Variants in SAE1 observed in about 807,000 individuals in gnomAD.
SAE1 encodes the protein SUMO-activating enzyme subunit 1.
SAE1 carries 11 observed loss-of-function variants against 40.6 expected under a neutral mutation model. The observed-to-expected ratio is 0.27, with a 90% CI of 0.17 to 0.45. SAE1 has a LOEUF of 0.45. Among genes scored for constraint, SAE1 ranks in the 20% least tolerant of loss-of-function variants. The pLI is 1.00. For missense variants in SAE1, 373 were observed against 427.3 expected (o/e 0.87, Z 1.12); for synonymous variants, 155 against 154.3 (o/e 1.00, Z -0.03).
chr19:47,198,338 T>C (rs2058629713), intron 7 of SAE1, among the ~76,000 whole-genome samples: 1 of 152,034 alleles, frequency 6.6e-6, no homozygotes, highest in Non-Finnish European at 1.5e-5. Context: ...TCTTGAACTC[T>C]TGACCTCAGG....
chr19:47,134,187 G>A (rs2058164944), intron 1 of SAE1, among the ~76,000 whole-genome samples: 1 of 152,052 alleles, frequency 6.6e-6, no homozygotes, highest in African/African-American at 2.4e-5. Flanking sequence ...ATACAACTAA[G>A]TAGAAATATG....
At chr19:47,163,764 A>G (rs192056192) in intron 5 of SAE1, among the ~76,000 whole-genome samples, 2 of 152,238 alleles carry the variant, frequency 1.3e-5, no homozygotes, top group African/African-American at 4.8e-5. Context: ...GGGAGGATGC[A>G]CGTAGAGTAT....
chr19:47,164,449 G>A (rs1360176266), intron 5 of SAE1, among the ~76,000 whole-genome samples: 1 of 152,000 alleles, frequency 6.6e-6, no homozygotes, highest in Non-Finnish European at 1.5e-5. Context: ...TTACAGGCAT[G>A]AGCCACCACG....
intron 5 of SAE1, among the ~76,000 whole-genome samples, chr19:47,165,673 G>A (rs2058387994): frequency 6.6e-6 from 1 of 152,220 alleles, no homozygotes; most frequent in South Asian, 2.1e-4. Context: ...TGCCAGTGGA[G>A]TGGGTAAGAC....
At chr19:47,147,305 C>A in intron 2 of SAE1, among the ~76,000 whole-genome samples, 1 of 141,990 alleles carries the variant, frequency 7.0e-6, no homozygotes, top group East Asian at 2.2e-4. Context: ...TTCCTGGGCT[C>A]AGGGTATTCT....
At chr19:47,184,512 G>A (rs1047660245) in intron 6 of SAE1, among the ~76,000 whole-genome samples, 2 of 152,022 alleles carry the variant, frequency 1.3e-5, no homozygotes, top group South Asian at 4.1e-4. Flanking sequence ...CTGGGTTCAA[G>A]CGATTCTCCT....
intron 5 of SAE1, among the ~76,000 whole-genome samples, chr19:47,159,420 A>T (rs1019144743): frequency 6.6e-6 from 1 of 151,998 alleles, no homozygotes; most frequent in African/African-American, 2.4e-5. Flanking sequence ...CCATAGGGGG[A>T]AGGTAGTCTT....
rs772537235 is a variant in SAE1 at position 47,209,183 on chromosome 19, CACA to C, written c.979_981del (p.Asn327del). On this transcript the variant is annotated inframe_deletion, in exon 9 of 9. Coordinates refer to ENST00000270225, the MANE Select transcript of SAE1 (RefSeq NM_005500.3). ...GGCCCTGTCTCAGCGGGACCCTCCT[CACA>C]ACAACTTCTTCTTCTTCGATGGCAT... The C allele has an allele frequency of 1.9e-6, 3 of 1,613,946 alleles. No individual in the cohort carries two copies. The highest frequency in any genetic ancestry group is 2.7e-5 in the African/African-American group (2 of 74,880).
chr19:47,200,262 C>G (rs1351934325), intron 7 of SAE1, among the ~76,000 whole-genome samples: 1 of 147,366 alleles, frequency 6.8e-6, no homozygotes, highest in Non-Finnish European at 1.5e-5. Context: ...AAGATAGGGT[C>G]TCTCTCTGTT....
At chr19:47,164,506 T>C (rs1421308110) in intron 5 of SAE1, among the ~76,000 whole-genome samples, 1 of 152,044 alleles carries the variant, frequency 6.6e-6, no homozygotes, top group African/African-American at 2.4e-5. Flanking sequence ...ATTTTTCCTC[T>C]TCTTGCCTAG....
chr19:47,153,141 C>A, intron 4 of SAE1, 101 bp downstream of exon 4: 1 of 1,071,896 alleles, frequency 9.3e-7, no homozygotes, highest in Non-Finnish European at 1.3e-6. Context: ...AGGATCTATG[C>A]TATGTTGTTC....
At chr19:47,137,703 T>TTGTGTGTG (rs35991953) in intron 1 of SAE1, among the ~76,000 whole-genome samples, 1 of 135,064 alleles carries the variant, frequency 7.4e-6, no homozygotes, top group African/African-American at 2.7e-5. Flanking sequence ...ACTCAGCTGA[T>TTGTGTGTG]TGTGTGTGTG....
At chr19:47,201,600 A>G (rs1245856365) in intron 7 of SAE1, among the ~76,000 whole-genome samples, 1 of 150,668 alleles carries the variant, frequency 6.6e-6, no homozygotes, top group African/African-American at 2.4e-5. Flanking sequence ...TATTCCTCCA[A>G]TACGGCCAAA....
Position 47,210,538 on chromosome 19 carries a change from G to A in SAE1, c.*1287G>A. The A allele has an allele frequency of 6.6e-6, 1 of 152,216 alleles. No individual in the cohort carries two copies. Among genetic ancestry groups the A allele is most frequent in the East Asian group, 1.9e-4 (1 of 5,200 alleles). 9.4% of individuals were successfully genotyped at this position (152,216 alleles called of 1,614,324 possible). The stretch of plus-strand genomic sequence containing the variant: ...ATTGGAAGACCAGGTTTGCCTTGAT[G>A]CAGCCAAAGTGCGTTCCAGTTCACC... On this transcript the variant is annotated 3_prime_UTR_variant, in exon 9 of 9. Coordinates refer to ENST00000270225, the MANE Select transcript of SAE1 (RefSeq NM_005500.3).
At position 47,182,505 on chromosome 19, in the gene SAE1, G is replaced by A. The variant is rs556758820; in HGVS notation, c.733+12582G>A. The stretch of plus-strand genomic sequence containing the variant: ...TGTGTGTGTGTGTGTGTGCGCGCAC[G>A]CACGCGCGCGCGCACACCACTGCCT... On this transcript the variant is annotated intron_variant, in intron 6 of 8. Coordinates refer to ENST00000270225, the MANE Select transcript of SAE1 (RefSeq NM_005500.3). Among the ~76,000 whole-genome samples, 228 of 148,042 alleles carry A rather than the reference G, an allele frequency of 1.5e-3. 1 individual carries two copies. Among genetic ancestry groups the A allele is most frequent in the African/African-American group, 4.8e-3 (189 of 39,282 alleles).
In SAE1 at chr19:47,150,325, A is replaced by C. The variant is rs755918257; in HGVS notation, c.334A>C (p.Thr112Pro). ...LNPMVDVKVDTEDIEKKPESF... is the reference protein window; with the variant it reads ...LNPMVDVKVDPEDIEKKPESF... ...CCCCATGGTGGATGTGAAGGTGGAC[A>C]CTGAGGATATAGAGAAGAAACCAGA... Residue 112 changes from threonine (T) to proline (P), a missense_variant, in exon 3 of 9, where the codon ACT becomes CCT. Thr to Pro is a conservative substitution (Grantham distance 38). Coordinates refer to ENST00000270225, the MANE Select transcript of SAE1 (RefSeq NM_005500.3). 2 of 1,613,444 alleles carry C rather than the reference A, an allele frequency of 1.2e-6. No homozygotes were observed. The highest frequency in any genetic ancestry group is 1.7e-5 in the Admixed American group (1 of 59,846).
chr19:47,201,519 G>T (rs766837627), intron 7 of SAE1, among the ~76,000 whole-genome samples: 1 of 149,594 alleles, frequency 6.7e-6, no homozygotes, highest in Non-Finnish European at 1.5e-5. Flanking sequence ...CTATAGGCAC[G>T]TGCCACCACG....
chr19:47,204,560 G>T (rs1477408538), intron 8 of SAE1, among the ~76,000 whole-genome samples: 1 of 137,290 alleles, frequency 7.3e-6, no homozygotes, highest in African/African-American at 2.8e-5. Context: ...AGACTGGAGT[G>T]CAGTGGCATG....
intron 6 of SAE1, among the ~76,000 whole-genome samples, chr19:47,181,264 C>T (rs1373799023): frequency 6.6e-5 from 10 of 151,548 alleles, no homozygotes; most frequent in Admixed American, 5.9e-4. Context: ...TGTGGTGAGC[C>T]GAGATCGCGC....
Sources: allele counts gnomAD v4.1 joint callset (sites outside exome capture counted in the v4.1 genomes callset), GRCh38; gene constraint gnomAD v4.1.1; transcripts MANE v1.5; gene names NCBI Gene and HGNC (gene_info 2026-07-23, HGNC 2026-07-21).